The following EML4 variants were observed in gnomAD, a reference collection of about 807,000 sequenced individuals.
EML4 encodes the protein echinoderm microtubule-associated protein-like 4.
In EML4, 72 loss-of-function variants were observed where a neutral mutation model predicts 129.0. The ratio of observed to expected loss-of-function variants is 0.56; its 90% CI spans 0.46 to 0.68. The LOEUF is 0.68. Ranked by LOEUF, EML4 falls within the 30% of genes least tolerant of loss-of-function variation. The pLI is 0.00. For missense variants in EML4, 1,363 were observed against 1,190.6 expected (o/e 1.14, Z -2.13); for synonymous variants, 532 against 405.0 (o/e 1.31, Z -3.77).
At chr2:42,328,018 T>A (rs1669900703) in intron 21 of EML4, among the ~76,000 whole-genome samples, 1 of 152,184 alleles carries the variant, frequency 6.6e-6, no homozygotes, top group Admixed American at 6.5e-5. Context: ...AACAAAATAA[T>A]TCTGTCCATA....
At position 42,330,576 on chromosome 2, in the gene EML4, T is replaced by A. The variant is rs1670052055; in HGVS notation, c.*369T>A. On this transcript the variant is annotated 3_prime_UTR_variant, in exon 23 of 23. Transcript: ENST00000318522. ...TGTTTTCTTCAGGAACAACCAGAGG[T>A]ATCACAAACACTGTTACTCATCTAC... 4 of 420,460 alleles carry A rather than the reference T, an allele frequency of 9.5e-6. No individual in the cohort carries two copies. Among genetic ancestry groups the A allele is most frequent in the South Asian group, 9.4e-5 (4 of 42,654 alleles). 26.0% of individuals were successfully genotyped at this position (420,460 alleles called of 1,614,324 possible).
intron 10 of EML4, 142 bp downstream of exon 10, chr2:42,286,521 A>T: frequency 1.6e-6 from 1 of 617,490 alleles, no homozygotes; most frequent in Non-Finnish European, 2.9e-6. Flanking sequence ...CATATTAGCT[A>T]TTGCTAAATG....
chr2:42,197,860 G>A (rs1414863568), intron 1 of EML4, among the ~76,000 whole-genome samples: 1 of 152,128 alleles, frequency 6.6e-6, no homozygotes, highest in African/African-American at 2.4e-5. Flanking sequence ...CCTTTAGCCA[G>A]GATTTATAAA....
At chr2:42,176,502 T>TA (rs1380130374) in intron 1 of EML4, among the ~76,000 whole-genome samples, 1 of 152,214 alleles carries the variant, frequency 6.6e-6, no homozygotes, top group East Asian at 1.9e-4. Context: ...TCTACTGTCT[T>TA]ACCATGTTCT....
intron 17 of EML4, among the ~76,000 whole-genome samples, chr2:42,311,875 G>T (rs1214003346): frequency 1.3e-5 from 2 of 152,022 alleles, no homozygotes; most frequent in African/African-American, 4.8e-5. Flanking sequence ...TACTTTTAAT[G>T]TTATTTTAAA....
chr2:42,288,944 A>G (rs1330820659), intron 11 of EML4: 2 of 152,198 alleles, frequency 1.3e-5, no homozygotes, highest in East Asian at 3.9e-4. Flanking sequence ...AAAAGATTCA[A>G]AGTGATAGAA....
At chr2:42,208,777 G>T (rs1278730255) in intron 1 of EML4, among the ~76,000 whole-genome samples, 1 of 144,342 alleles carries the variant, frequency 6.9e-6, no homozygotes, top group African/African-American at 2.6e-5. Flanking sequence ...TTTTGAGACA[G>T]GGTCTCGTTC....
chr2:42,304,680 C>G, intron 17 of EML4, 129 bp downstream of exon 17: 2 of 719,386 alleles, frequency 2.8e-6, no homozygotes, highest in Non-Finnish European at 4.9e-6. Flanking sequence ...TGTTCTTATC[C>G]GTTTTGTATA....
intron 11 of EML4, among the ~76,000 whole-genome samples, chr2:42,292,744 C>CAT (rs148037178): frequency 0.024 from 3,586 of 151,886 alleles, 146 homozygotes; most frequent in African/African-American, 0.082. Context: ...AATCTGTGTG[C>CAT]ATATATATAT....
chr2:42,299,599 T>G (rs940794185), intron 13 of EML4, among the ~76,000 whole-genome samples: 1 of 152,226 alleles, frequency 6.6e-6, no homozygotes, highest in Non-Finnish European at 1.5e-5. Flanking sequence ...CTCTATAGAT[T>G]TACTTGTTGA....
rs17029359 is a variant in EML4, at chr2:42,228,708, G to C, written c.26-16797G>C. Among the ~76,000 whole-genome samples, 155 of 152,214 alleles carry C rather than the reference G, an allele frequency of 1.0e-3. 1 individual carries two copies. The highest frequency in any genetic ancestry group is 3.3e-3 in the African/African-American group (139 of 41,540). On this transcript the variant is annotated intron_variant, in intron 1 of 22. Coordinates refer to ENST00000318522, the MANE Select transcript of EML4 (RefSeq NM_019063.5). ...CCTGGTAAAAATTGACTGACTTTCT[G>C]TGAGTTCTACAATTTTCTGTATATA...
chr2:42,283,412 A>G (rs928474914), intron 8 of EML4, among the ~76,000 whole-genome samples: 3 of 152,238 alleles, frequency 2.0e-5, no homozygotes, highest in African/African-American at 7.2e-5. Context: ...GATCATAAGT[A>G]TGCCGTAGGA....
chr2:42,304,348 G>A, intron 16 of EML4, 136 bp from the exon 17 acceptor site: 3 of 667,806 alleles, frequency 4.5e-6, no homozygotes, highest in Middle Eastern at 2.7e-4. Context: ...ATATCTGTGT[G>A]GTATTTCTCA....
At chr2:42,206,584 G>A (rs760955908) in intron 1 of EML4, among the ~76,000 whole-genome samples, 8 of 152,102 alleles carry the variant, frequency 5.3e-5, no homozygotes, top group Non-Finnish European at 7.4e-5. Flanking sequence ...TGAACTGTTC[G>A]TGAGCCTTTT....
At position 42,301,257 on chromosome 2, in the gene EML4, C is replaced by A; in HGVS notation, c.1506C>A (p.Ser502Arg). The change falls in exon 14 of 23, where the codon AGC (serine) becomes AGA (arginine). Residue 502 changes from serine (S) to arginine (R), a missense_variant. Coordinates refer to ENST00000318522, the MANE Select transcript of EML4 (RefSeq NM_019063.5). ...TCATATTAGGTGTATATCAAATCAG[C>A]AAACAAATCAAAGCTCATGATGGCA... ...GKGPKGVYQI[S>R]KQIKAHDGSV... 6.2e-7 allele frequency: 1 copy of A among 1,611,312 alleles called. No homozygotes were observed. Among genetic ancestry groups the A allele is most frequent in the African/African-American group, 1.3e-5 (1 of 74,816 alleles).
In EML4 at chr2:42,256,621, C is replaced by T; in HGVS notation, c.329C>T (p.Ala110Val). ...GCAGGAAAAGAAACTCTTTCATCTGCTGCTAAAAGGTACCCATTTATGAAA... is the reference window on the plus strand; with the variant it reads ...GCAGGAAAAGAAACTCTTTCATCTGTTGCTAAAAGGTACCCATTTATGAAA... ...SIAGKETLSSAAKSGTEKKKE... is the reference protein window; with the variant it reads ...SIAGKETLSSVAKSGTEKKKE... Residue 110 changes from alanine (A) to valine (V), a missense_variant, in exon 3 of 23, where the codon GCT becomes GTT. Coordinates refer to ENST00000318522, the MANE Select transcript of EML4 (RefSeq NM_019063.5). The T allele has an allele frequency of 1.2e-6, 2 of 1,613,470 alleles. No individual in the cohort carries two copies. Among genetic ancestry groups the T allele is most frequent in the Non-Finnish European group, 1.7e-6 (2 of 1,179,636 alleles).
intron 1 of EML4, among the ~76,000 whole-genome samples, chr2:42,203,205 G>A (rs6544514): frequency 0.027 from 4,119 of 152,200 alleles, 175 homozygotes; most frequent in African/African-American, 0.094. Flanking sequence ...TGTCCCATAA[G>A]TACATATAAT....
chr2:42,210,280 G>A (rs1338242982), intron 1 of EML4, among the ~76,000 whole-genome samples: 1 of 152,082 alleles, frequency 6.6e-6, no homozygotes, highest in Non-Finnish European at 1.5e-5. Flanking sequence ...AGCAGTACTG[G>A]TATATTGTAG....
rs1558614750 is a variant in EML4, at chr2:42,325,602, T to TATATATATA, written c.2242+48_2242+49insATATATATA. On this transcript the variant is annotated intron_variant, in intron 20 of 22. Coordinates refer to ENST00000318522, the MANE Select transcript of EML4 (RefSeq NM_019063.5). The stretch of plus-strand genomic sequence containing the variant: ...ATATATATATATGCTATGATTATAT[T>TATATATATA]TATATATATATATATATATATATAT... The TATATATATA allele has an allele frequency of 3.9e-3, 507 of 129,256 alleles. 43 individuals carry two copies. The highest frequency in any genetic ancestry group is 0.021 in the East Asian group (82 of 3,930). 8.0% of individuals were successfully genotyped at this position (129,256 alleles called of 1,614,324 possible).
Sources: gnomAD v4.1 joint callset for allele counts (sites outside exome capture counted in the v4.1 genomes callset) on GRCh38, gnomAD v4.1.1 for gene constraint, MANE v1.5 for transcripts, NCBI Gene and HGNC (gene_info 2026-07-23, HGNC 2026-07-21) for gene names.